CAMSAP2: variants seen among roughly 807,000 people sequenced by gnomAD.
CAMSAP2 encodes the protein calmodulin regulated spectrin associated protein family member 2.
CAMSAP2 carries 26 observed loss-of-function variants against 146.1 expected under a neutral mutation model. That is an observed-to-expected ratio of 0.18 (90% confidence interval 0.13 to 0.25). The LOEUF is 0.25. CAMSAP2 is among the 10% of genes least tolerant of loss of function. CAMSAP2 has a pLI of 1.00. For synonymous variants in CAMSAP2, 499 were observed against 596.6 expected (o/e 0.84, Z 2.38); for missense variants, 1,381 against 1,759.3 (o/e 0.78, Z 3.85).
rs1664064256 is a variant in CAMSAP2, at chr1:200,738,983, C to T, written c.-845C>T. Among the ~76,000 whole-genome samples the T allele has an allele frequency of 2.6e-5, 4 of 151,108 alleles. No homozygotes were observed. In the South Asian group the frequency reaches 8.4e-4, roughly 32 times the overall value. ...TGAGGGGGAACGATCCAGCGAGCTG[C>T]AGAAAGGGGGGCAGGAAAAAATTAC... On this transcript the variant is annotated 5_prime_UTR_variant, in exon 1 of 17. Transcript: ENST00000358823.
rs147490223 is a variant in CAMSAP2, at chr1:200,853,311, T to A, written c.3639T>A (p.Asp1213Glu). ...AGGAAGAACGTCAGAAGAAAGAAGATGAGAGAGCACGCAGAGAATTTATTA... is the reference window on the plus strand; with the variant it reads ...AGGAAGAACGTCAGAAGAAAGAAGAAGAGAGAGCACGCAGAGAATTTATTA... ...KTEEERQKKE[D>E]ERARREFIRQ... The change falls in exon 13 of 17, where the codon GAT (aspartate) becomes GAA (glutamate). Residue 1213 changes from aspartate to glutamate, a missense_variant. By Grantham distance (45) the Asp-to-Glu change is conservative. Transcript: ENST00000358823. This position sits in a 1 kb window ranked among gnomAD's most constrained non-coding sequence, Gnocchi z 5.1. 3.2e-4 allele frequency: 512 copies of A among 1,613,378 alleles called. No homozygotes were observed. Among genetic ancestry groups the A allele is most frequent in the Admixed American group, 6.7e-5 (4 of 59,978 alleles).
At chr1:200,842,178 G>A in intron 7 of CAMSAP2, 91 bp downstream of exon 7, 1 of 936,634 alleles carries the variant, frequency 1.1e-6, no homozygotes, top group Non-Finnish European at 1.7e-6. Context: ...TTAGAAATCA[G>A]CCTATTATTT....
intron 2 of CAMSAP2, among the ~76,000 whole-genome samples, chr1:200,788,246 C>T (rs1389437894): frequency 1.3e-5 from 2 of 152,114 alleles, no homozygotes; most frequent in Admixed American, 1.3e-4. Flanking sequence ...ATTTTGTTGT[C>T]TGAATGTGCT....
At chr1:200,799,301 G>T (rs1176129996) in intron 2 of CAMSAP2, among the ~76,000 whole-genome samples, 4 of 151,558 alleles carry the variant, frequency 2.6e-5, no homozygotes, top group Non-Finnish European at 5.9e-5. Context: ...CTAGTCCTGG[G>T]GTTTTTTTTT....
intron 2 of CAMSAP2, among the ~76,000 whole-genome samples, chr1:200,781,042 C>A (rs1001975070): frequency 2.6e-5 from 4 of 152,182 alleles, no homozygotes; most frequent in Admixed American, 6.5e-5. Flanking sequence ...AATGTGCTGA[C>A]AAACTTTTTT....
intron 6 of CAMSAP2, among the ~76,000 whole-genome samples, chr1:200,840,479 G>T (rs1261593590): frequency 6.6e-6 from 1 of 152,008 alleles, no homozygotes; most frequent in Non-Finnish European, 1.5e-5. Context: ...GCCCAGGCTG[G>T]TCTCAACCTC....
intron 3 of CAMSAP2, among the ~76,000 whole-genome samples, chr1:200,809,971 C>T (rs77466285): frequency 2.0e-5 from 3 of 152,062 alleles, no homozygotes; most frequent in Non-Finnish European, 4.4e-5. Context: ...AGTGATAGCC[C>T]GTTGATCCAT....
intron 2 of CAMSAP2, among the ~76,000 whole-genome samples, chr1:200,783,009 G>A (rs185623394): frequency 1.1e-4 from 17 of 151,340 alleles, no homozygotes; most frequent in African/African-American, 2.9e-4. Context: ...CAAGCAATTC[G>A]CCTGCCTCGG....
intron 4 of CAMSAP2, among the ~76,000 whole-genome samples, chr1:200,829,906 A>G (rs543066711): frequency 3.9e-5 from 6 of 152,264 alleles, no homozygotes; most frequent in Non-Finnish European, 7.4e-5. Context: ...CAGCCTGGGT[A>G]ACAGAGTGAG....
At chr1:200,814,723 A>G (rs1314405952) in intron 3 of CAMSAP2, among the ~76,000 whole-genome samples, 1 of 151,866 alleles carries the variant, frequency 6.6e-6, no homozygotes, top group Non-Finnish European at 1.5e-5. Flanking sequence ...CTTGATAAAT[A>G]TAATTAGAAA....
intron 1 of CAMSAP2, among the ~76,000 whole-genome samples, chr1:200,740,870 A>G (rs1464792528): frequency 1.3e-5 from 2 of 152,214 alleles, no homozygotes; most frequent in Non-Finnish European, 2.9e-5. Flanking sequence ...TCATTGGAAG[A>G]TGCTTCTGTA....
At chr1:200,822,433 G>A (rs1205246048) in intron 4 of CAMSAP2, among the ~76,000 whole-genome samples, 1 of 152,072 alleles carries the variant, frequency 6.6e-6, no homozygotes, top group African/African-American at 2.4e-5. Flanking sequence ...CATTTTTAAA[G>A]AATCGGGCTA....
intron 2 of CAMSAP2, 150 bp downstream of exon 2, chr1:200,761,248 C>A: frequency 1.3e-6 from 1 of 762,152 alleles, no homozygotes; most frequent in Non-Finnish European, 2.1e-6. Flanking sequence ...ACCTTGTTTC[C>A]AAATGAAGGA....
At chr1:200,847,853 A>T (rs776411386) in intron 10 of CAMSAP2, 144 bp downstream of exon 10, 9 of 851,796 alleles carry the variant, frequency 1.1e-5, no homozygotes, top group Admixed American at 2.8e-5. Flanking sequence ...CAGATGATAG[A>T]GATGTAAAAG....
intron 4 of CAMSAP2, among the ~76,000 whole-genome samples, chr1:200,831,679 A>G (rs912611565): frequency 1.3e-5 from 2 of 151,674 alleles, no homozygotes; most frequent in East Asian, 1.9e-4. Flanking sequence ...TGTTTCCTCA[A>G]CATTCAGATA....
chr1:200,780,597 G>T (rs1039573692), intron 2 of CAMSAP2, among the ~76,000 whole-genome samples: 9 of 152,156 alleles, frequency 5.9e-5, no homozygotes, highest in African/African-American at 2.2e-4. Context: ...GTGTGGGTTA[G>T]GTAATGTTTG....
chr1:200,824,903 C>G (rs1224645375), intron 4 of CAMSAP2, among the ~76,000 whole-genome samples: 1 of 151,978 alleles, frequency 6.6e-6, no homozygotes, highest in Non-Finnish European at 1.5e-5. Flanking sequence ...TGCTTGAGCC[C>G]GGGAGGCGGA....
chr1:200,790,372 A>G (rs1260082629), intron 2 of CAMSAP2, among the ~76,000 whole-genome samples: 3 of 152,180 alleles, frequency 2.0e-5, no homozygotes, highest in African/African-American at 7.2e-5. Context: ...GGTTGGGGAC[A>G]GTTTCTGATA....
chr1:200,845,935 C>A (rs1264055186), intron 8 of CAMSAP2, among the ~76,000 whole-genome samples: 1 of 152,106 alleles, frequency 6.6e-6, no homozygotes, highest in African/African-American at 2.4e-5. Context: ...ATGATAGGGA[C>A]ATTAGTTTGT....
Sources: allele counts gnomAD v4.1 joint callset (sites outside exome capture counted in the v4.1 genomes callset), GRCh38; gene constraint gnomAD v4.1.1; non-coding constraint Gnocchi (gnomAD v3.1); transcripts MANE v1.5; gene names NCBI Gene and HGNC (gene_info 2026-07-23, HGNC 2026-07-21).